Variants in IFNGR1 observed in about 807,000 individuals in gnomAD.
IFNGR1 encodes the protein AVP, type 2.
Under a neutral mutation model 35.4 loss-of-function variants are expected in IFNGR1, and 23 were observed. The observed-to-expected ratio is 0.65, with a 90% CI of 0.47 to 0.92. The LOEUF (loss-of-function observed/expected upper bound fraction) is 0.92. Ranked by LOEUF, IFNGR1 falls within the 40% of genes least tolerant of loss-of-function variation. The probability of loss-of-function intolerance (pLI) is 0.00; values close to 1 mark genes in which losing one functional copy is unlikely to be tolerated. For synonymous variants in IFNGR1, 199 were observed against 209.5 expected, an observed-to-expected ratio of 0.95 and a Z score of 0.43; for missense variants, 533 against 583.4, an observed-to-expected ratio of 0.91 and a Z score of 0.89.
rs1779125183 is a variant in IFNGR1, at chr6:137,197,873, T to C, written c.*158A>G. 1.1e-6 allele frequency: 1 copy of C among 914,282 alleles called. No homozygotes were observed. The highest frequency in any genetic ancestry group is 1.7e-5 in the African/African-American group (1 of 59,646). 56.6% of individuals were successfully genotyped at this position (914,282 alleles called of 1,614,324 possible). A position where few individuals can be genotyped will look rare whatever the true frequency, so the allele number is the denominator to read the frequency against. ...GTACTTTACAAGCCAAAAGTGAAAA[T>C]GCCACACATCCTCTTTACGCTTTCA... On this transcript the variant is annotated 3_prime_UTR_variant, in exon 7 of 7. Transcript: ENST00000367739.
At chr6:137,205,297 AC>A (rs1301768922) in intron 3 of IFNGR1, among the ~76,000 whole-genome samples, 4 of 152,088 alleles carry the variant, frequency 2.6e-5, no homozygotes, top group Admixed American at 2.6e-4. Flanking sequence ...AGGGAAAGGG[AC>A]CCAAGGGCTA....
intron 1 of IFNGR1, among the ~76,000 whole-genome samples, chr6:137,216,435 G>A (rs556414039): frequency 2.0e-5 from 3 of 152,334 alleles, no homozygotes; most frequent in African/African-American, 4.8e-5. Context: ...GGCACACACA[G>A]ATTTTATTTT....
Position 137,198,492 on chromosome 6 carries a change from C to T in IFNGR1, c.1009G>A (p.Glu337Lys), listed in dbSNP as rs776745485. 159 of 1,613,976 alleles carry T rather than the reference C, an allele frequency of 9.9e-5. No individual in the cohort carries two copies. The highest frequency in any genetic ancestry group is 1.3e-4 in the Non-Finnish European group (154 of 1,180,022). The change falls in exon 7 of 7, where the codon GAA (glutamate) becomes AAA (lysine). Residue 337 changes from glutamate (E) to lysine (K), a missense_variant. Transcript: ENST00000367739. Reference sequence around the variant, plus strand: ...TGTTCCACTTTTCCTGGATTGTCTTCGGTATGCATGCCTGGAACTGTTGCT... The same window carrying T: ...TGTTCCACTTTTCCTGGATTGTCTTTGGTATGCATGCCTGGAACTGTTGCT... Reference protein sequence around the residue: ...SPATVPGMHTEDNPGKVEHTE... With the variant: ...SPATVPGMHTKDNPGKVEHTE...
intron 1 of IFNGR1, among the ~76,000 whole-genome samples, chr6:137,211,950 A>C (rs1779583997): frequency 6.6e-6 from 1 of 152,124 alleles, no homozygotes; most frequent in Non-Finnish European, 1.5e-5. Context: ...CCATTTCTTC[A>C]TTTTGGCATT....
At chr6:137,205,124 A>G (rs138877752) in intron 3 of IFNGR1, among the ~76,000 whole-genome samples, 1 of 152,334 alleles carries the variant, frequency 6.6e-6, no homozygotes, top group East Asian at 1.9e-4. Context: ...TGATAAATCT[A>G]TATGGAAAAA....
At chr6:137,215,476 T>G (rs902186728) in intron 1 of IFNGR1, 3 of 682,704 alleles carry the variant, frequency 4.4e-6, no homozygotes, top group Non-Finnish European at 4.4e-6. Context: ...ATTAGGATAA[T>G]CTAAAATAAA....
At chr6:137,213,007 T>C (rs1421414766) in intron 1 of IFNGR1, among the ~76,000 whole-genome samples, 1 of 152,232 alleles carries the variant, frequency 6.6e-6, no homozygotes, top group African/African-American at 2.4e-5. Context: ...TTATTAGACA[T>C]CTGCCTTTGT....
intron 1 of IFNGR1, among the ~76,000 whole-genome samples, chr6:137,207,873 G>C (rs758529488): frequency 9.9e-5 from 15 of 152,230 alleles, no homozygotes; most frequent in Non-Finnish European, 2.1e-4. Context: ...AGCAACTTTG[G>C]AACAGGGTAA....
intron 6 of IFNGR1, among the ~76,000 whole-genome samples, chr6:137,199,074 T>C (rs1779173765): frequency 6.6e-6 from 1 of 151,582 alleles, no homozygotes; most frequent in Non-Finnish European, 1.5e-5. Context: ...GGCAGAAAAA[T>C]GTGAAAAGAG....
At chr6:137,201,517 A>G (rs945893182) in intron 5 of IFNGR1, among the ~76,000 whole-genome samples, 4 of 152,126 alleles carry the variant, frequency 2.6e-5, no homozygotes, top group African/African-American at 9.7e-5. Flanking sequence ...TACTAAAAAT[A>G]CAAAAATTAG....
At chr6:137,218,290 AG>A (rs1779756519) in intron 1 of IFNGR1, among the ~76,000 whole-genome samples, 2 of 98,542 alleles carry the variant, frequency 2.0e-5, no homozygotes, top group Non-Finnish European at 5.0e-5. Context: ...AATAAAAAAA[AG>A]AAAACTGAAT....
At chr6:137,202,833 A>G (rs1779316267) in intron 5 of IFNGR1, among the ~76,000 whole-genome samples, 1 of 152,140 alleles carries the variant, frequency 6.6e-6, no homozygotes, top group African/African-American at 2.4e-5. Flanking sequence ...TATTTTATAA[A>G]TTATCTATAA....
At chr6:137,200,539 C>T (rs1242005883) in intron 6 of IFNGR1, among the ~76,000 whole-genome samples, 3 of 152,136 alleles carry the variant, frequency 2.0e-5, no homozygotes, top group Non-Finnish European at 2.9e-5. Context: ...ATGACTAACC[C>T]CACCCCAAAG....
At chr6:137,215,182 CAATATGCA>C in intron 1 of IFNGR1, 1 of 1,502,230 alleles carries the variant, frequency 6.7e-7, no homozygotes, top group Non-Finnish European at 8.9e-7. Context: ...CGTAACTTGA[CAATATGCA>C]AAGTTTTGTT....
chr6:137,207,696 G>A (rs977716523), intron 1 of IFNGR1, among the ~76,000 whole-genome samples: 1 of 152,074 alleles, frequency 6.6e-6, no homozygotes, highest in South Asian at 2.1e-4. Context: ...TTTCTCCCCC[G>A]CCATGATTCT....
rs2114487155 is a variant in IFNGR1, at chr6:137,206,241, G to A, written c.268C>T (p.His90Tyr). 1.2e-5 allele frequency: 20 copies of A among 1,610,740 alleles called. No individual in the cohort carries two copies. Among genetic ancestry groups the A allele is most frequent in the Non-Finnish European group, 1.7e-5 (20 of 1,176,954 alleles). ...ISHHYCNISDHVGDPSNSLWV... is the reference protein window; with the variant it reads ...ISHHYCNISDYVGDPSNSLWV... ...AGAGAATTTGATGGATCACCAACAT[G>A]ATCAGAAATATTACAATAATGATGA... is the stretch of plus-strand genomic sequence containing the variant. Residue 90 changes from histidine (H) to tyrosine (Y), a missense_variant, in exon 3 of 7, where the codon CAT becomes TAT. His to Tyr is a moderately conservative substitution (Grantham distance 83). Coordinates refer to ENST00000367739, the MANE Select transcript of IFNGR1 (RefSeq NM_000416.3).
intron 1 of IFNGR1, chr6:137,218,723 C>G (rs913010796): frequency 8.6e-6 from 3 of 350,526 alleles, no homozygotes; most frequent in African/African-American, 6.4e-5. Context: ...GGAGAAATGT[C>G]CCCTTAGGCA....
chr6:137,199,113 T>C (rs1031943380), intron 6 of IFNGR1, among the ~76,000 whole-genome samples: 3 of 151,800 alleles, frequency 2.0e-5, no homozygotes, highest in Admixed American at 6.6e-5. Context: ...AGCCTACATC[T>C]TTCTCCCATG....
intron 2 of IFNGR1, 111 bp downstream of exon 2, chr6:137,206,852 G>A: frequency 1.2e-6 from 1 of 811,606 alleles, no homozygotes; most frequent in Non-Finnish European, 2.1e-6. Context: ...TCTATAAGCA[G>A]TTTAGAATGT....
Sources: allele counts gnomAD v4.1 joint callset (sites outside exome capture counted in the v4.1 genomes callset), GRCh38; gene constraint gnomAD v4.1.1; transcripts MANE v1.5; gene names NCBI Gene and HGNC (gene_info 2026-07-23, HGNC 2026-07-21).